The following DIS3L2 variants were observed in gnomAD, a reference collection of about 807,000 sequenced individuals.
DIS3L2 encodes DIS3 like 3'-5' exoribonuclease 2.
DIS3L2 carries 34 observed loss-of-function variants against 97.5 expected under a neutral mutation model. The ratio of observed to expected loss-of-function variants is 0.35; its 90% CI spans 0.27 to 0.46. The LOEUF is 0.46. DIS3L2 is among the 20% of genes least tolerant of loss of function. DIS3L2 has a pLI of 1.00. For synonymous variants in DIS3L2, 435 were observed against 445.2 expected, an observed-to-expected ratio of 0.98 and a Z score of 0.29; for missense variants, 1,038 against 1,146.0, an observed-to-expected ratio of 0.91 and a Z score of 1.36.
chr2:232,194,240 A>G (rs1559722563), intron 9 of DIS3L2, among the ~76,000 whole-genome samples: 3 of 152,090 alleles, frequency 2.0e-5, no homozygotes, highest in Admixed American at 6.5e-5. Context: ...TGCTGCTTCT[A>G]TGTGTGTGTA....
intron 11 of DIS3L2, among the ~76,000 whole-genome samples, chr2:232,244,915 T>C (rs1216324546): frequency 6.6e-6 from 1 of 152,108 alleles, no homozygotes; most frequent in Non-Finnish European, 1.5e-5. Flanking sequence ...GCCCAGCAGT[T>C]TTCTCTGTCA....
At chr2:232,323,289 G>T (rs1328155831) in intron 14 of DIS3L2, among the ~76,000 whole-genome samples, 68 of 152,232 alleles carry the variant, frequency 4.5e-4, no homozygotes, top group Non-Finnish European at 5.9e-5. Flanking sequence ...AGCGAATGAG[G>T]CTTCTGGGCT....
At chr2:232,240,021 C>T (rs892432352) in intron 11 of DIS3L2, among the ~76,000 whole-genome samples, 2 of 152,222 alleles carry the variant, frequency 1.3e-5, no homozygotes, top group African/African-American at 4.8e-5. Flanking sequence ...TGATGTCTTC[C>T]ACCCCATGGT....
rs7595451 is a variant in DIS3L2, at chr2:232,299,858, A to G, written c.1660-182A>G. Reference sequence around the variant, plus strand: ...AACAAGTAGAGTCTTGCTGACAGTCATCATTGATGATGGGGTCCTTGTAAG... The same window carrying G: ...AACAAGTAGAGTCTTGCTGACAGTCGTCATTGATGATGGGGTCCTTGTAAG... On this transcript the variant is annotated intron_variant, in intron 13 of 20. Transcript: ENST00000325385. Among the ~76,000 whole-genome samples the G allele has an allele frequency of 0.028, 4,339 of 152,324 alleles. 135 individuals are homozygous for G. The highest frequency in any genetic ancestry group is 0.07 in the African/African-American group (2,928 of 41,564).
intron 1 of DIS3L2, among the ~76,000 whole-genome samples, chr2:231,981,599 TA>T (rs1166838517): frequency 0.13 from 633 of 4,976 alleles, 8 homozygotes; most frequent in African/African-American, 0.24. Flanking sequence ...TTAAGTATTT[TA>T]TATATATATA....
intron 10 of DIS3L2, among the ~76,000 whole-genome samples, chr2:232,235,907 G>A (rs747739200): frequency 6.6e-5 from 10 of 152,176 alleles, no homozygotes; most frequent in Non-Finnish European, 1.2e-4. Flanking sequence ...ACACAGCTGC[G>A]TGCCTGTCAG....
At chr2:232,020,750 A>C (rs948880129) in intron 3 of DIS3L2, among the ~76,000 whole-genome samples, 5 of 152,154 alleles carry the variant, frequency 3.3e-5, no homozygotes, top group African/African-American at 1.2e-4. Context: ...TCAGTGCCTC[A>C]GTTTCCTCAT....
chr2:232,261,524 C>T (rs1461050496), intron 12 of DIS3L2, among the ~76,000 whole-genome samples: 2 of 152,180 alleles, frequency 1.3e-5, no homozygotes, highest in East Asian at 3.8e-4. Flanking sequence ...GTTTGAGTAG[C>T]ACCGGGGACG....
intron 9 of DIS3L2, among the ~76,000 whole-genome samples, chr2:232,189,176 G>A (rs1691539082): frequency 6.6e-6 from 1 of 150,452 alleles, no homozygotes; most frequent in Non-Finnish European, 1.5e-5. Flanking sequence ...AAACACTTTG[G>A]CAGTTTCTTA....
At chr2:232,254,029 C>T (rs996571575) in intron 12 of DIS3L2, among the ~76,000 whole-genome samples, 7 of 152,162 alleles carry the variant, frequency 4.6e-5, no homozygotes, top group East Asian at 1.9e-4. Context: ...CATGTCATTT[C>T]GCTCATACAT....
intron 13 of DIS3L2, among the ~76,000 whole-genome samples, chr2:232,299,066 G>A (rs925237320): frequency 1.3e-5 from 2 of 152,212 alleles, no homozygotes; most frequent in African/African-American, 4.8e-5. Context: ...CACCTGACTG[G>A]TGATTCAGAT....
intron 12 of DIS3L2, 62 bp from the exon 13 acceptor site, chr2:232,263,145 G>A: frequency 2.6e-6 from 4 of 1,539,188 alleles, no homozygotes; most frequent in Non-Finnish European, 3.6e-6. Flanking sequence ...AATGGCTGAA[G>A]GAAGAAAAAC....
At chr2:232,258,894 G>A (rs775640537) in intron 12 of DIS3L2, among the ~76,000 whole-genome samples, 3 of 152,256 alleles carry the variant, frequency 2.0e-5, no homozygotes, top group South Asian at 2.1e-4. Flanking sequence ...TGTGTCAGAC[G>A]ACAACAGACT....
At chr2:232,198,142 C>T (rs1021211471) in intron 9 of DIS3L2, among the ~76,000 whole-genome samples, 1 of 151,956 alleles carries the variant, frequency 6.6e-6, no homozygotes, top group African/African-American at 2.4e-5. Flanking sequence ...TTACTTAATC[C>T]GTCTGGGCCT....
At chr2:232,176,313 T>C (rs2106179364) in intron 9 of DIS3L2, among the ~76,000 whole-genome samples, 1 of 152,342 alleles carries the variant, frequency 6.6e-6, no homozygotes, top group Admixed American at 6.5e-5. Flanking sequence ...GCTCTTTCAT[T>C]TGTTAGTTTA....
chr2:232,140,420 T>A (rs965135727), intron 8 of DIS3L2, among the ~76,000 whole-genome samples: 2 of 152,124 alleles, frequency 1.3e-5, no homozygotes, highest in Non-Finnish European at 2.9e-5. Context: ...ATGACCCCAA[T>A]GTCTTGAGCC....
At chr2:232,058,113 A>G (rs1695597644) in intron 5 of DIS3L2, among the ~76,000 whole-genome samples, 1 of 152,236 alleles carries the variant, frequency 6.6e-6, no homozygotes, top group South Asian at 2.1e-4. Flanking sequence ...ATTTCTTCCC[A>G]TAAGTGAACT....
At chr2:232,125,891 C>T (rs1486343524) in intron 6 of DIS3L2, among the ~76,000 whole-genome samples, 1 of 152,048 alleles carries the variant, frequency 6.6e-6, no homozygotes, top group Non-Finnish European at 1.5e-5. Flanking sequence ...AGAGGGGGGC[C>T]CATAAGATAA....
chr2:232,213,680 T>C (rs1006417818), intron 10 of DIS3L2, among the ~76,000 whole-genome samples: 3 of 150,568 alleles, frequency 2.0e-5, no homozygotes, highest in Non-Finnish European at 4.5e-5. Context: ...TTTTTTTTTT[T>C]TTTTTAAGTG....
Sources: allele counts gnomAD v4.1 joint callset (sites outside exome capture counted in the v4.1 genomes callset), GRCh38; gene constraint gnomAD v4.1.1; transcripts MANE v1.5; gene names NCBI Gene and HGNC (gene_info 2026-07-23, HGNC 2026-07-21).